The following MYO9B variants were observed in gnomAD, a reference collection of about 807,000 sequenced individuals.
MYO9B encodes unconventional myosin-IXb.
MYO9B carries 71 observed loss-of-function variants against 229.5 expected under a neutral mutation model. The observed-to-expected ratio is 0.31, with a 90% CI of 0.26 to 0.38. The LOEUF is 0.38. Ranked by LOEUF, MYO9B falls within the 10% of genes least tolerant of loss-of-function variation. The probability of loss-of-function intolerance (pLI) is 1.00; values close to 1 mark genes in which losing one functional copy is unlikely to be tolerated. For synonymous variants in MYO9B, 1,185 were observed against 1,235.8 expected (o/e 0.96, Z 0.86); for missense variants, 2,255 against 2,920.5 (o/e 0.77, Z 5.25).
intron 2 of MYO9B, among the ~76,000 whole-genome samples, chr19:17,118,629 G>A (rs34340240): frequency 0.15 from 22,793 of 151,860 alleles, 1,977 homozygotes; most frequent in Non-Finnish European, 0.2. Context: ...CTACAGGCGT[G>A]CGCCATCACG....
At chr19:17,207,075 C>T (rs200131818) in intron 34 of MYO9B, 38 bp from the exon 35 acceptor site, 13 of 1,603,968 alleles carry the variant, frequency 8.1e-6, no homozygotes, top group Middle Eastern at 2.0e-4. Context: ...CTCCCTCCCT[C>T]GGCCCTAGCC....
intron 14 of MYO9B, among the ~76,000 whole-genome samples, chr19:17,177,151 A>C (rs2072799515): frequency 6.6e-6 from 1 of 152,086 alleles, no homozygotes; most frequent in South Asian, 2.1e-4. Context: ...CGGTGAGCCA[A>C]GATCGCACCA....
intron 10 of MYO9B, among the ~76,000 whole-genome samples, chr19:17,164,410 TG>T (rs1246423847): frequency 2.6e-5 from 4 of 151,822 alleles, no homozygotes; most frequent in Non-Finnish European, 5.9e-5. Context: ...AGATGGAGTC[TG>T]GCTCTGTTGC....
At chr19:17,165,359 CAA>C (rs879937918) in intron 10 of MYO9B, among the ~76,000 whole-genome samples, 2 of 128,578 alleles carry the variant, frequency 1.6e-5, no homozygotes, top group Non-Finnish European at 1.7e-5. Flanking sequence ...GACCCTGTCT[CAA>C]AAAAAAAAAA....
chr19:17,185,054 A>G, intron 17 of MYO9B, 67 bp downstream of exon 17: 1 of 1,604,762 alleles, frequency 6.2e-7, no homozygotes, highest in Non-Finnish European at 8.5e-7. Flanking sequence ...GCTTCACCCG[A>G]CACCGAGCAC....
rs150133856 is a variant in MYO9B, at chr19:17,083,807, C to T, written c.-59+7933C>T. ...GTGGGGTTACAGGCACCCGCTACCA[C>T]GCCCAGCTAATTTTTATATTTTTAG... On this transcript the variant is annotated intron_variant, in intron 1 of 39. Transcript: ENST00000682292. Among the ~76,000 whole-genome samples the T allele has an allele frequency of 2.9e-3, 446 of 152,036 alleles. 3 individuals are homozygous for T. The highest frequency in any genetic ancestry group is 9.7e-3 in the African/African-American group (403 of 41,462).
rs1008003338 is a variant in MYO9B, at chr19:17,193,528, C to T, written c.3128+466C>T. Among the ~76,000 whole-genome samples the T allele has an allele frequency of 6.6e-6, 1 of 152,150 alleles. No homozygotes were observed. The highest frequency in any genetic ancestry group is 1.5e-5 in the Non-Finnish European group (1 of 68,018). ...TCACCTCTCCCCTGCCCACACAGAC[C>T]CAGCTCTGCCACAAGTCAGGTCCCA... On this transcript the variant is annotated intron_variant, in intron 21 of 39. Coordinates refer to ENST00000682292, the MANE Select transcript of MYO9B (RefSeq NM_004145.4). The surrounding 1 kb of genome is among the most constrained non-coding windows in gnomAD (Gnocchi z 4.3).
chr19:17,151,253 CG>C (rs2072473554), intron 3 of MYO9B, among the ~76,000 whole-genome samples: 1 of 148,544 alleles, frequency 6.7e-6, no homozygotes, highest in Admixed American at 6.8e-5. Flanking sequence ...ACTCCAGCCT[CG>C]GCAACGAGAG....
intron 15 of MYO9B, 49 bp from the exon 16 acceptor site, chr19:17,183,780 C>T (rs748141262): frequency 1.2e-5 from 18 of 1,500,792 alleles, no homozygotes; most frequent in South Asian, 7.6e-5. Context: ...ACCCAAATCC[C>T]GACACTGTGT....
In MYO9B at chr19:17,110,585, A is replaced by G. The variant is rs895232030; in HGVS notation, c.840+8028A>G. 2.6e-5 allele frequency among the ~76,000 whole-genome samples: 4 copies of G among 152,198 alleles called. No homozygotes were observed. The East Asian group carries it at 7.7e-4, about 29-fold the overall frequency. On this transcript the variant is annotated intron_variant, in intron 2 of 39. Coordinates refer to ENST00000682292, the MANE Select transcript of MYO9B (RefSeq NM_004145.4). ...GTTCCCTTCATCTGTCCTGAACTGT[A>G]GCAAGTGCAGCTGGCAGCTGGCAGC...
intron 2 of MYO9B, among the ~76,000 whole-genome samples, chr19:17,115,327 C>G (rs935519349): frequency 2.6e-5 from 4 of 152,086 alleles, no homozygotes; most frequent in Non-Finnish European, 5.9e-5. Flanking sequence ...TAATTGCACC[C>G]GAGACACTGC....
chr19:17,201,748 G>C lies in MYO9B; in HGVS notation c.4564-178G>C, dbSNP rs532421511. Among the ~76,000 whole-genome samples the C allele has an allele frequency of 1.5e-4, 23 of 152,244 alleles. 1 individual carries two copies. Among genetic ancestry groups the C allele is most frequent in the African/African-American group, 5.5e-4 (23 of 41,524 alleles). ...GAGAGTAGTCCTGCCCTCAATGTCAGTGGCTTTAACTCTGGGTTGACAAGA... is the reference window on the plus strand; with the variant it reads ...GAGAGTAGTCCTGCCCTCAATGTCACTGGCTTTAACTCTGGGTTGACAAGA... On this transcript the variant is annotated intron_variant, in intron 26 of 39. Transcript: ENST00000682292.
intron 1 of MYO9B, among the ~76,000 whole-genome samples, chr19:17,080,523 G>A (rs2057524851): frequency 6.6e-6 from 1 of 152,072 alleles, no homozygotes; most frequent in Admixed American, 6.6e-5. Flanking sequence ...CAGTCATATG[G>A]AAGGGGGCCC....
rs370616134 is a variant in MYO9B at position 17,102,515 on chromosome 19, C to T, written c.798C>T (p.Ser266=). ...CCCTCAGCCAGAAGGGCTACGCCAG[C>T]GGCGTCGAGAGGACCATCCTGGGTG... is the stretch of plus-strand genomic sequence containing the variant. ...LTALSQKGYA[S]GVERTILGAG... The change falls in exon 2 of 40, where the codon AGC becomes AGT. Residue 266 remains serine (S), a synonymous_variant. Coordinates refer to ENST00000682292, the MANE Select transcript of MYO9B (RefSeq NM_004145.4). 7.1e-5 allele frequency: 114 copies of T among 1,610,584 alleles called. No individual in the cohort carries two copies. Among genetic ancestry groups the T allele is most frequent in the Middle Eastern group, 1.6e-4 (1 of 6,080 alleles).
chr19:17,182,019 C>T (rs541603756), intron 15 of MYO9B, among the ~76,000 whole-genome samples: 20 of 151,556 alleles, frequency 1.3e-4, no homozygotes, highest in African/African-American at 2.4e-4. Flanking sequence ...TCAGGTGATC[C>T]GTCTGTCTTG....
intron 2 of MYO9B, chr19:17,103,314 T>C (rs1303790750): frequency 2.6e-5 from 4 of 152,126 alleles, no homozygotes; most frequent in African/African-American, 4.8e-5. Flanking sequence ...AGTTTGTTAC[T>C]CACAGTTCCC....
At chr19:17,100,470 T>C (rs992113692) in intron 1 of MYO9B, among the ~76,000 whole-genome samples, 5 of 152,132 alleles carry the variant, frequency 3.3e-5, no homozygotes, top group African/African-American at 7.2e-5. Context: ...GAGACTCTTA[T>C]CTCAAAAACA....
intron 2 of MYO9B, among the ~76,000 whole-genome samples, chr19:17,121,674 A>G (rs2057966698): frequency 6.6e-6 from 1 of 152,110 alleles, no homozygotes; most frequent in Admixed American, 6.6e-5. Context: ...TACATGTGCA[A>G]ATGTTCACTT....
intron 3 of MYO9B, among the ~76,000 whole-genome samples, chr19:17,146,155 GTGGATAGATGGA>G (rs1187408243): frequency 0.029 from 4,246 of 145,922 alleles, 109 homozygotes; most frequent in South Asian, 0.06. Context: ...GAATGGGTGG[GTGGATAGATGGA>G]TGGATGGATG....
Sources: allele counts gnomAD v4.1 joint callset (sites outside exome capture counted in the v4.1 genomes callset), GRCh38; gene constraint gnomAD v4.1.1; non-coding constraint Gnocchi (gnomAD v3.1); transcripts MANE v1.5; gene names NCBI Gene and HGNC (gene_info 2026-07-23, HGNC 2026-07-21).